Variants in E2F7 observed in about 807,000 individuals in gnomAD.
E2F7 encodes the protein E2F transcription factor 7.
Under a neutral mutation model 81.1 loss-of-function variants are expected in E2F7, and 35 were observed. That is an observed-to-expected ratio of 0.43 (90% confidence interval 0.33 to 0.57). The LOEUF (loss-of-function observed/expected upper bound fraction) is 0.57, where lower values mean the gene tolerates loss of function less well. Among genes scored for constraint, E2F7 ranks in the 20% least tolerant of loss-of-function variants. E2F7 has a pLI of 0.04. For synonymous variants in E2F7, 416 were observed against 416.2 expected (o/e 1.00, Z 0.01); for missense variants, 961 against 1,093.7 (o/e 0.88, Z 1.71).
chr12:77,027,256 A>C (rs1241356456), intron 11 of E2F7, among the ~76,000 whole-genome samples: 1 of 152,236 alleles, frequency 6.6e-6, no homozygotes, highest in Non-Finnish European at 1.5e-5. Context: ...AAAATCTGGC[A>C]TCTGTATTTC....
intron 9 of E2F7, among the ~76,000 whole-genome samples, chr12:77,032,845 T>C (rs1038258541): frequency 1.4e-4 from 21 of 152,342 alleles, no homozygotes; most frequent in African/African-American, 3.8e-4. Flanking sequence ...TAAGCCATCA[T>C]AGCTTACAGG....
At chr12:77,054,041 A>T (rs1372458210) in intron 3 of E2F7, among the ~76,000 whole-genome samples, 1 of 152,146 alleles carries the variant, frequency 6.6e-6, no homozygotes, top group Non-Finnish European at 1.5e-5. Flanking sequence ...CCAAGACAGT[A>T]AGAAGGGAAC....
At position 77,023,784 on chromosome 12, in the gene E2F7, AG is replaced by A; in HGVS notation, c.*230del. 2.0e-6 allele frequency: 1 copy of A among 490,434 alleles called. No individual in the cohort carries two copies. Among genetic ancestry groups the A allele is most frequent in the Middle Eastern group, 5.6e-4 (1 of 1,780 alleles). 30.4% of individuals were successfully genotyped at this position (490,434 alleles called of 1,614,324 possible). A position where few individuals can be genotyped will look rare whatever the true frequency, so the allele number is the denominator to read the frequency against. On this transcript the variant is annotated 3_prime_UTR_variant, in exon 13 of 13. Transcript: ENST00000322886. ...GATTCTTGAATCAAAACCATAAGTCAGTCGGCGCTTTCACTGTGACACCATG... is the reference window on the plus strand; with the variant it reads ...GATTCTTGAATCAAAACCATAAGTCATCGGCGCTTTCACTGTGACACCATG...
intron 2 of E2F7, among the ~76,000 whole-genome samples, chr12:77,057,858 T>C (rs1250088310): frequency 6.6e-6 from 1 of 152,226 alleles, no homozygotes; most frequent in East Asian, 1.9e-4. Flanking sequence ...AGATGAGTTC[T>C]CAGTCACTCC....
chr12:77,055,775 T>A, intron 3 of E2F7, 80 bp downstream of exon 3: 9 of 1,490,800 alleles, frequency 6.0e-6, no homozygotes, highest in Non-Finnish European at 8.0e-6. Context: ...AGCTGAAAAG[T>A]TGACAGTTCT....
intron 7 of E2F7, among the ~76,000 whole-genome samples, chr12:77,038,522 A>G (rs1954871563): frequency 6.6e-6 from 1 of 152,166 alleles, no homozygotes; most frequent in Non-Finnish European, 1.5e-5. Flanking sequence ...TTGTGGGCCA[A>G]AGAAGACATC....
At chr12:77,044,429 C>A in intron 6 of E2F7, 1 of 607,054 alleles carries the variant, frequency 1.6e-6, no homozygotes, top group South Asian at 2.0e-5. Flanking sequence ...CTGAAACCAC[C>A]GAGGAAAAGG....
intron 2 of E2F7, among the ~76,000 whole-genome samples, 179 bp from the exon 3 acceptor site, chr12:77,056,309 A>G (rs1247690548): frequency 2.6e-5 from 4 of 152,182 alleles, no homozygotes; most frequent in East Asian, 3.8e-4. Context: ...AGTGGCTCCA[A>G]TGAGAAGTAG....
At position 77,044,813 on chromosome 12, in the gene E2F7, C is replaced by A; in HGVS notation, c.830-18G>T. On this transcript the variant is annotated intron_variant, in intron 5 of 12. Transcript: ENST00000322886. Reference sequence around the variant, plus strand: ...TGCAGATGCTACACAAGGAATGAAACAAAAGCATCAAAGTATATGATTTTC... The same window carrying A: ...TGCAGATGCTACACAAGGAATGAAAAAAAAGCATCAAAGTATATGATTTTC... 3 of 1,611,286 alleles carry A rather than the reference C, an allele frequency of 1.9e-6. No individual in the cohort carries two copies. The highest frequency in any genetic ancestry group is 2.5e-6 in the Non-Finnish European group (3 of 1,178,914).
intron 7 of E2F7, among the ~76,000 whole-genome samples, chr12:77,034,527 T>C (rs1285934267): frequency 6.6e-6 from 1 of 152,230 alleles, no homozygotes; most frequent in Non-Finnish European, 1.5e-5. Flanking sequence ...TTCTTTCTTA[T>C]GCAGTAGGAG....
chr12:77,052,351 A>G (rs1370720532), intron 3 of E2F7, among the ~76,000 whole-genome samples: 2 of 152,136 alleles, frequency 1.3e-5, no homozygotes, highest in African/African-American at 4.8e-5. Flanking sequence ...ACAATAGGGT[A>G]TTAGGGCAGG....
intron 7 of E2F7, among the ~76,000 whole-genome samples, chr12:77,042,180 A>G (rs1037099420): frequency 2.6e-4 from 39 of 152,332 alleles, no homozygotes; most frequent in Non-Finnish European, 4.4e-5. Flanking sequence ...TGTGTTACCC[A>G]CATCTTCAAT....
At chr12:77,033,550 G>A (rs1157551355) in intron 8 of E2F7, among the ~76,000 whole-genome samples, 3 of 152,182 alleles carry the variant, frequency 2.0e-5, no homozygotes, top group Non-Finnish European at 4.4e-5. Flanking sequence ...TTTAAAACAA[G>A]CATTGCTTTA....
chr12:77,024,243 T>C (rs776997258), intron 12 of E2F7, 58 bp from the exon 13 acceptor site: 3 of 1,539,942 alleles, frequency 1.9e-6, no homozygotes, highest in Non-Finnish European at 2.6e-6. Flanking sequence ...GATCTCTGAG[T>C]AGAAAGGCAG....
At chr12:77,052,469 A>G (rs1954998095) in intron 3 of E2F7, among the ~76,000 whole-genome samples, 2 of 152,324 alleles carry the variant, frequency 1.3e-5, no homozygotes, top group Middle Eastern at 3.4e-3. Flanking sequence ...GACCTCCTGA[A>G]TAAATGGTGC....
intron 10 of E2F7, among the ~76,000 whole-genome samples, 188 bp downstream of exon 10, chr12:77,029,643 T>G (rs1954788363): frequency 1.3e-5 from 2 of 152,276 alleles, no homozygotes; most frequent in Non-Finnish European, 2.9e-5. Flanking sequence ...TTTATAAAAA[T>G]CACCTTTCTT....
intron 12 of E2F7, among the ~76,000 whole-genome samples, chr12:77,024,458 G>A (rs149875578): frequency 3.3e-3 from 506 of 152,290 alleles, no homozygotes; most frequent in African/African-American, 0.012. Flanking sequence ...CTGTGGACAA[G>A]TTACTTAAGC....
At chr12:77,046,634 G>A (rs760537816) in intron 4 of E2F7, among the ~76,000 whole-genome samples, 12 of 152,146 alleles carry the variant, frequency 7.9e-5, no homozygotes, top group Non-Finnish European at 1.2e-4. Flanking sequence ...CAAACCACGC[G>A]AACATTTCAG....
chr12:77,056,111 C>A lies in E2F7; in HGVS notation c.113G>T (p.Arg38Leu). The change falls in exon 3 of 13, where the codon CGA (arginine) becomes CTA (leucine). Residue 38 changes from arginine to leucine, a missense_variant. Transcript: ENST00000322886. ...TGGAGTCTTCGGGGCCATCCTTGAT[C>A]GATCAACAAATATATTTTCCTATTT... ...NAQKENIFVD[R>L]SRMAPKTPIK... 6.2e-7 allele frequency: 1 copy of A among 1,601,302 alleles called. No homozygotes were observed. The highest frequency in any genetic ancestry group is 1.1e-5 in the South Asian group (1 of 87,940).
Sources: allele counts gnomAD v4.1 joint callset (sites outside exome capture counted in the v4.1 genomes callset), GRCh38; gene constraint gnomAD v4.1.1; transcripts MANE v1.5; gene names NCBI Gene and HGNC (gene_info 2026-07-23, HGNC 2026-07-21).